Variants in CAND2 observed in about 807,000 individuals in gnomAD.
The protein encoded by CAND2 is cullin-associated NEDD8-dissociated protein 2.
A neutral mutation model predicts 98.9 loss-of-function variants in CAND2; 62 were observed. That is an observed-to-expected ratio of 0.63 (90% CI 0.51 to 0.77). The LOEUF is 0.77. Ranked by LOEUF, CAND2 falls within the 30% of genes least tolerant of loss-of-function variation. The pLI is 0.00. For missense variants in CAND2, 1,501 were observed against 1,655.2 expected (o/e 0.91, Z 1.62); for synonymous variants, 770 against 731.9 (o/e 1.05, Z -0.84).
At chr3:12,799,345 T>C (rs562196305) in intron 1 of CAND2, among the ~76,000 whole-genome samples, 1 of 152,304 alleles carries the variant, frequency 6.6e-6, no homozygotes, top group African/African-American at 2.4e-5. Flanking sequence ...TGTCACCTAG[T>C]TGATAAATGG....
chr3:12,801,498 C>T (rs1389964317), intron 1 of CAND2, among the ~76,000 whole-genome samples: 2 of 152,200 alleles, frequency 1.3e-5, no homozygotes, highest in East Asian at 1.9e-4. Flanking sequence ...CCAATTCCCG[C>T]ACCATTCCTC....
Position 12,796,761 on chromosome 3 carries a change from A to G in CAND2, c.41A>G (p.Lys14Arg), listed in dbSNP as rs749365108. The change falls in exon 1 of 15, where the codon AAG (lysine) becomes AGG (arginine). Residue 14 changes from lysine (K) to arginine (R), a missense_variant. Around this residue, in one of 3 missense-constraint regions of CAND2, gnomAD observed 62 missense variants for 77.3 expected, o/e 0.80. Transcript: ENST00000456430. ...TTCCACATCTCCAGCCTCCTGGAGA[A>G]GATGACGTCCAGCGACAAGGACTTC... Reference protein sequence around the residue: ...AAFHISSLLEKMTSSDKDFRF... With the variant: ...AAFHISSLLERMTSSDKDFRF... 1 of 1,590,462 alleles carries G rather than the reference A, an allele frequency of 6.3e-7. No homozygotes were observed. Among genetic ancestry groups the G allele is most frequent in the East Asian group, 2.3e-5 (1 of 43,860 alleles).
In CAND2 at chr3:12,807,370, A is replaced by G. The variant is rs971297224; in HGVS notation, c.277A>G (p.Thr93Ala). Residue 93 changes from threonine to alanine, a missense_variant, in exon 3 of 15, where the codon ACC becomes GCC. By Grantham distance (58) the Thr-to-Ala change is moderately conservative. Transcript: ENST00000456430. Reference protein sequence around the residue: ...QVETIVDTLCTNMRSDKEQLR... With the variant: ...QVETIVDTLCANMRSDKEQLR... ...GGAGACCATTGTGGACACCCTGTGC[A>G]CCAACATGCGGTCAGACAAGGAGCA... 1.0e-5 allele frequency: 16 copies of G among 1,551,610 alleles called. No homozygotes were observed. Among genetic ancestry groups the G allele is most frequent in the Non-Finnish European group, 1.3e-5 (15 of 1,146,988 alleles).
chr3:12,823,319 G>A (rs2061973423), intron 11 of CAND2, among the ~76,000 whole-genome samples: 1 of 151,800 alleles, frequency 6.6e-6, no homozygotes, highest in Non-Finnish European at 1.5e-5. Flanking sequence ...GTATGGGTAC[G>A]GTGGTTCACT....
intron 5 of CAND2, 118 bp downstream of exon 5, chr3:12,810,442 C>G (rs186013932): frequency 1.3e-5 from 9 of 718,980 alleles, no homozygotes; most frequent in Non-Finnish European, 1.2e-5. Flanking sequence ...AAGGGTGGGC[C>G]GTCTGCCTTG....
In CAND2 at chr3:12,815,597, G is replaced by A. The variant is rs2061892353; in HGVS notation, c.1299+164G>A. Among the ~76,000 whole-genome samples the A allele has an allele frequency of 6.6e-6, 1 of 152,230 alleles. No homozygotes were observed. Among genetic ancestry groups the A allele is most frequent in the Non-Finnish European group, 1.5e-5 (1 of 68,036 alleles). On this transcript the variant is annotated intron_variant, in intron 8 of 14. Transcript: ENST00000456430. The surrounding 1 kb of genome is among the most constrained non-coding windows in gnomAD (Gnocchi z 5.7). ...CGGGAGCCAGCCAGGCTTCTGGAGTGTAGTAGTGACAGCCAGCCTGCCTGA... is the reference window on the plus strand; with the variant it reads ...CGGGAGCCAGCCAGGCTTCTGGAGTATAGTAGTGACAGCCAGCCTGCCTGA...
intron 1 of CAND2, among the ~76,000 whole-genome samples, chr3:12,798,936 T>TG (rs1294667527): frequency 8.6e-6 from 1 of 116,360 alleles, no homozygotes; most frequent in Non-Finnish European, 1.7e-5. Context: ...CGACTGCAAA[T>TG]GGGGGTCCCA....
At chr3:12,821,819 G>C (rs1014885454) in intron 11 of CAND2, among the ~76,000 whole-genome samples, 1 of 152,138 alleles carries the variant, frequency 6.6e-6, no homozygotes, top group Non-Finnish European at 1.5e-5. Context: ...CATCACATCA[G>C]GGGCACATGG....
In CAND2 at chr3:12,815,403, C is replaced by G. The variant is rs530110068; in HGVS notation, c.1269C>G (p.Thr423=). Residue 423 remains threonine, a synonymous_variant, in exon 8 of 15, where the codon ACC becomes ACG. Transcript: ENST00000456430. This position sits in a 1 kb window ranked among gnomAD's most constrained non-coding sequence, Gnocchi z 5.7. ...WLEAMEEPTQ[T]GSNLHMLRGQ... ...AGGCCATGGAGGAACCCACCCAGAC[C>G]GGCAGCAACCTCCATATGCTACGTG... The G allele has an allele frequency of 2.5e-6, 4 of 1,613,244 alleles. No individual in the cohort carries two copies. The highest frequency in any genetic ancestry group is 3.4e-6 in the Non-Finnish European group (4 of 1,179,756).
At chr3:12,803,072 C>T (rs2061778131) in intron 1 of CAND2, among the ~76,000 whole-genome samples, 1 of 148,562 alleles carries the variant, frequency 6.7e-6, no homozygotes, top group African/African-American at 2.5e-5. Context: ...TCACTGCAAG[C>T]TCCGCCTCCC....
intron 13 of CAND2, among the ~76,000 whole-genome samples, chr3:12,831,047 C>T (rs1194977281): frequency 6.6e-6 from 1 of 151,242 alleles, no homozygotes; most frequent in Non-Finnish European, 1.5e-5. Flanking sequence ...AATCAGGTGT[C>T]AACATTTAAA....
intron 11 of CAND2, among the ~76,000 whole-genome samples, chr3:12,824,148 AT>A (rs148715777): frequency 0.032 from 4,809 of 151,954 alleles, 89 homozygotes; most frequent in African/African-American, 0.047. Context: ...CTCTAAAAAA[AT>A]TTTTTTTTCC....
chr3:12,796,898 T>G, intron 1 of CAND2, 110 bp downstream of exon 1: 2 of 830,268 alleles, frequency 2.4e-6, no homozygotes, highest in East Asian at 2.8e-5. Context: ...CCCCTGCCTC[T>G]TCTCTCTTCT....
At chr3:12,820,366 C>T (rs781246511) in intron 11 of CAND2, among the ~76,000 whole-genome samples, 185 bp downstream of exon 11, 3 of 152,228 alleles carry the variant, frequency 2.0e-5, no homozygotes, top group Non-Finnish European at 2.9e-5. Context: ...TTCCTACTGC[C>T]ACTCAATCAT....
chr3:12,822,996 A>C (rs2061969215), intron 11 of CAND2, among the ~76,000 whole-genome samples: 1 of 152,050 alleles, frequency 6.6e-6, no homozygotes, highest in South Asian at 2.1e-4. Flanking sequence ...CCTTGAGTTC[A>C]TAGCTGCTTC....
rs116895971 is a variant in CAND2, at chr3:12,814,959, C to T, written c.1007-182C>T. On this transcript the variant is annotated intron_variant, in intron 7 of 14. Transcript: ENST00000456430. ...TGGGTTTGACATGCTTAGCCCCATC[C>T]GTAGCACTCAGTAGATGCCCATTAA... Among the ~76,000 whole-genome samples the T allele has an allele frequency of 1.0e-3, 156 of 152,266 alleles. 1 individual carries two copies. The East Asian group carries it at 0.027, about 26-fold the overall frequency.
intron 13 of CAND2, among the ~76,000 whole-genome samples, chr3:12,830,447 AGAGT>A (rs1483698555): frequency 1.3e-5 from 2 of 152,216 alleles, no homozygotes; most frequent in African/African-American, 4.8e-5. Flanking sequence ...CCCAGGACAC[AGAGT>A]GAGGAGTTCT....
intron 3 of CAND2, 38 bp from the exon 4 acceptor site, chr3:12,808,172 G>T (rs2061822175): frequency 6.5e-7 from 1 of 1,548,716 alleles, no homozygotes; most frequent in African/African-American, 1.4e-5. Context: ...TTTCCCCCAG[G>T]CCAGGGCCTC....
chr3:12,807,532 CAAAAA>C (rs59302336), intron 3 of CAND2, 72 bp downstream of exon 3: 1 of 1,163,146 alleles, frequency 8.6e-7, no homozygotes, highest in Non-Finnish European at 1.2e-6. Context: ...AACGAAAAAA[CAAAAA>C]AAAAACACTG....
Sources: gnomAD v4.1 joint callset for allele counts (sites outside exome capture counted in the v4.1 genomes callset) on GRCh38, gnomAD v4.1.1 for gene constraint, gnomAD v4.1.1 regional missense constraint, Gnocchi (gnomAD v3.1) non-coding constraint, MANE v1.5 for transcripts, NCBI Gene and HGNC (gene_info 2026-07-23, HGNC 2026-07-21) for gene names.